Variants in ARID1A observed in about 807,000 individuals in gnomAD.
ARID1A encodes the protein AT-rich interaction domain 1A.
In ARID1A, 20 loss-of-function variants were observed where a neutral mutation model predicts 212.6. That is an observed-to-expected ratio of 0.09 (90% CI 0.07 to 0.14). The LOEUF (loss-of-function observed/expected upper bound fraction) is 0.14, where lower values mean the gene tolerates loss of function less well. Among genes scored for constraint, ARID1A ranks in the 10% least tolerant of loss-of-function variants. The pLI, the probability that ARID1A is intolerant of heterozygous loss-of-function variation, is 1.00. For synonymous variants in ARID1A, 1,376 were observed against 1,222.1 expected, an observed-to-expected ratio of 1.13 and a Z score of -2.63; for missense variants, 2,587 against 3,059.0, an observed-to-expected ratio of 0.85 and a Z score of 3.64.
intron 1 of ARID1A, among the ~76,000 whole-genome samples, chr1:26,704,907 A>AAT (rs2080374026): frequency 1.3e-5 from 2 of 152,044 alleles, no homozygotes; most frequent in South Asian, 4.1e-4. Flanking sequence ...ATGGCCAAGC[A>AAT]GCTAACAAAT....
intron 4 of ARID1A, among the ~76,000 whole-genome samples, chr1:26,742,927 G>A (rs532541070): frequency 1.8e-4 from 27 of 152,158 alleles, no homozygotes; most frequent in African/African-American, 5.5e-4. Context: ...CTGAGGTCGC[G>A]CCACTGCACT....
intron 4 of ARID1A, among the ~76,000 whole-genome samples, chr1:26,735,549 C>G (rs1443377380): frequency 6.6e-6 from 1 of 152,222 alleles, no homozygotes; most frequent in Non-Finnish European, 1.5e-5. Flanking sequence ...GCCTTGGCCT[C>G]CCAAGGTGCT....
At chr1:26,718,924 T>C (rs147228231) in intron 1 of ARID1A, among the ~76,000 whole-genome samples, 212 of 152,306 alleles carry the variant, frequency 1.4e-3, no homozygotes, top group African/African-American at 4.8e-3. Flanking sequence ...AATACAACAG[T>C]TATGTGATTG....
At position 26,761,350 on chromosome 1, in the gene ARID1A, A is replaced by G. The variant is rs765576071; in HGVS notation, c.2162-34A>G. On this transcript the variant is annotated intron_variant, in intron 5 of 19. Transcript: ENST00000324856. Reference sequence around the variant, plus strand: ...CTAGTTAGAATTCCCAGGCTTAGCCATGATATGCTTATGTTGTTCTTTGTC... The same window carrying G: ...CTAGTTAGAATTCCCAGGCTTAGCCGTGATATGCTTATGTTGTTCTTTGTC... 3.1e-6 allele frequency: 5 copies of G among 1,611,512 alleles called. No homozygotes were observed. In the Admixed American group the frequency reaches 6.7e-5, roughly 22 times the overall value.
intron 12 of ARID1A, 178 bp from the exon 13 acceptor site, chr1:26,772,322 C>A (rs1465607086): frequency 2.3e-6 from 2 of 851,800 alleles, no homozygotes; most frequent in Non-Finnish European, 3.6e-6. Context: ...AGCTACAAAA[C>A]CCTCAGATTC....
At position 26,773,897 on chromosome 1, in the gene ARID1A, A is replaced by G; in HGVS notation, c.4100A>G (p.Gln1367Arg). 1 of 1,614,056 alleles carries G rather than the reference A, an allele frequency of 6.2e-7. No individual in the cohort carries two copies. Among genetic ancestry groups the G allele is most frequent in the African/African-American group, 1.3e-5 (1 of 75,070 alleles). Residue 1367 changes from glutamine to arginine, a missense_variant and splice_region_variant, in exon 17 of 20, where the codon CAG (glutamine) becomes CGG (arginine). Transcript: ENST00000324856. ...ACTACAATGTATCAACAGCAACAGCAGGTGAGGAGGGTAGCTGGGAATGGA... is the reference window on the plus strand; with the variant it reads ...ACTACAATGTATCAACAGCAACAGCGGGTGAGGAGGGTAGCTGGGAATGGA... ...QQTTMYQQQQ[Q>R]NYKRPMDGTY...
chr1:26,723,278 C>T (rs1408437197), intron 1 of ARID1A, among the ~76,000 whole-genome samples: 4 of 152,168 alleles, frequency 2.6e-5, no homozygotes, highest in Admixed American at 6.5e-5. Flanking sequence ...AAGCTGAAAG[C>T]TGTTGGTTGG....
chr1:26,763,835 C>G (rs1354544366), intron 8 of ARID1A, among the ~76,000 whole-genome samples: 1 of 152,212 alleles, frequency 6.6e-6, no homozygotes, highest in Non-Finnish European at 1.5e-5. Flanking sequence ...GTTCCCCAGG[C>G]TGAATTGCAG....
intron 11 of ARID1A, chr1:26,770,749 T>G: frequency 1.9e-5 from 4 of 208,012 alleles, no homozygotes; most frequent in Admixed American, 5.6e-5. Context: ...CAGAGCGAGA[T>G]TTATTTTTTC....
intron 4 of ARID1A, among the ~76,000 whole-genome samples, chr1:26,743,426 A>G (rs1177590874): frequency 2.6e-5 from 4 of 152,058 alleles, no homozygotes; most frequent in Admixed American, 6.5e-5. Context: ...GATATTTGTA[A>G]ACCTTTGTTG....
At chr1:26,763,963 T>A (rs2081016489) in intron 8 of ARID1A, among the ~76,000 whole-genome samples, 1 of 151,958 alleles carries the variant, frequency 6.6e-6, no homozygotes, top group Non-Finnish European at 1.5e-5. Flanking sequence ...TAATTTTTTT[T>A]ATTTTTTATA....
At chr1:26,710,382 C>G (rs906266411) in intron 1 of ARID1A, among the ~76,000 whole-genome samples, 1 of 133,890 alleles carries the variant, frequency 7.5e-6, no homozygotes, top group African/African-American at 2.6e-5. Context: ...TGCAGTGAGC[C>G]GAGATCACGC....
intron 4 of ARID1A, chr1:26,752,890 G>T (rs1480262414): frequency 2.6e-5 from 4 of 152,196 alleles, no homozygotes; most frequent in African/African-American, 9.7e-5. Context: ...TGGTTTACCT[G>T]CCAGTATCAG....
intron 18 of ARID1A, 70 bp from the exon 19 acceptor site, chr1:26,775,507 T>C: frequency 6.3e-7 from 1 of 1,593,130 alleles, no homozygotes; most frequent in Non-Finnish European, 8.5e-7. Context: ...GCTTCACTGA[T>C]GGGGCAGCCC....
intron 1 of ARID1A, among the ~76,000 whole-genome samples, chr1:26,721,821 T>C (rs920991388): frequency 5.9e-5 from 9 of 152,154 alleles, no homozygotes; most frequent in African/African-American, 1.9e-4. Context: ...CATCAGTCAC[T>C]TGGTTGTGGT....
intron 1 of ARID1A, among the ~76,000 whole-genome samples, chr1:26,698,778 T>C (rs534705461): frequency 5.1e-4 from 77 of 152,300 alleles, no homozygotes; most frequent in Non-Finnish European, 8.7e-4. Flanking sequence ...TGAAATGATT[T>C]TACTGGGCTT....
rs36091006 is a variant in ARID1A at position 26,747,684 on chromosome 1, CA to C, written c.1921-13155del. ...AACACAGCAAGATCCCCATCTCTAC[CA>C]AAAAAAAAAAAAAAAATAGTTGGCC... On this transcript the variant is annotated intron_variant, in intron 4 of 19. Coordinates refer to ENST00000324856, the MANE Select transcript of ARID1A (RefSeq NM_006015.6). Among the ~76,000 whole-genome samples, 962 of 124,332 alleles carry C rather than the reference CA, an allele frequency of 7.7e-3. 3 individuals carry two copies. The highest frequency in any genetic ancestry group is 0.014 in the African/African-American group (474 of 33,004). 81.6% of individuals were successfully genotyped at this position (124,332 alleles called of 152,430 possible).
chr1:26,750,243 T>C (rs1229795449), intron 4 of ARID1A, among the ~76,000 whole-genome samples: 2 of 152,222 alleles, frequency 1.3e-5, no homozygotes, highest in African/African-American at 4.8e-5. Flanking sequence ...AGATCTCTGC[T>C]TGGAGCATGG....
rs777967093 is a variant in ARID1A at position 26,766,229 on chromosome 1, G to C, written c.2741G>C (p.Gly914Ala). The change falls in exon 9 of 20, where the codon GGC becomes GCC. Residue 914 changes from glycine (G) to alanine (A), a missense_variant. Around this residue, in one of 11 missense-constraint regions of ARID1A, gnomAD observed 674 missense variants for 813.4 expected, o/e 0.83. Transcript: ENST00000324856. Reference protein sequence around the residue: ...AANSIQNRPPGYPNMNQGGMM... With the variant: ...AANSIQNRPPAYPNMNQGGMM... ...TCCATCTTCTTCCTTAGGCCGCCAG[G>C]CTACCCCAATATGAATCAAGGGGGC... The C allele has an allele frequency of 5.0e-6, 8 of 1,613,060 alleles. No homozygotes were observed. In the African/African-American group the frequency reaches 6.7e-5, roughly 13 times the overall value.
Sources: gnomAD v4.1 joint callset for allele counts (sites outside exome capture counted in the v4.1 genomes callset) on GRCh38, gnomAD v4.1.1 for gene constraint, gnomAD v4.1.1 regional missense constraint, MANE v1.5 for transcripts, NCBI Gene and HGNC (gene_info 2026-07-23, HGNC 2026-07-21) for gene names.